TRPM3: variants seen among roughly 807,000 people sequenced by gnomAD.
TRPM3 encodes the protein transient receptor potential cation channel subfamily M member 3.
Under a neutral mutation model 181.2 loss-of-function variants are expected in TRPM3, and 77 were observed. That is an observed-to-expected ratio of 0.42 (90% CI 0.35 to 0.51). The LOEUF is 0.51. TRPM3 is among the 20% of genes least tolerant of loss of function. The pLI, the probability that TRPM3 is intolerant of heterozygous loss-of-function variation, is 0.01. For synonymous variants in TRPM3, 745 were observed against 796.4 expected (o/e 0.94, Z 1.09); for missense variants, 1,759 against 2,196.7 (o/e 0.80, Z 3.98).
chr9:71,072,286 ATTT>A (rs1054794131), intron 1 of TRPM3, among the ~76,000 whole-genome samples: 4 of 152,212 alleles, frequency 2.6e-5, no homozygotes, highest in African/African-American at 9.6e-5. Flanking sequence ...TCATGAATTA[ATTT>A]TTTTAAGTTA....
At chr9:71,033,240 C>T (rs370433201) in intron 1 of TRPM3, among the ~76,000 whole-genome samples, 27 of 152,296 alleles carry the variant, frequency 1.8e-4, no homozygotes, top group African/African-American at 5.5e-4. Flanking sequence ...CAGACTAAAG[C>T]GTCCTAAGTA....
chr9:71,000,777 G>T (rs183092740), intron 1 of TRPM3, among the ~76,000 whole-genome samples: 2 of 152,212 alleles, frequency 1.3e-5, no homozygotes, highest in African/African-American at 2.4e-5. Flanking sequence ...ACACTGAAAA[G>T]TGAGGTGGAG....
At chr9:71,296,873 A>G (rs2086308048) in intron 1 of TRPM3, among the ~76,000 whole-genome samples, 1 of 152,180 alleles carries the variant, frequency 6.6e-6, no homozygotes, top group South Asian at 2.1e-4. Context: ...AGTTTTGGGC[A>G]TCTACTACTG....
chr9:70,915,504 A>G lies in TRPM3; in HGVS notation c.178-50993T>C, dbSNP rs1441893573. Among the ~76,000 whole-genome samples the G allele has an allele frequency of 2.0e-5, 3 of 150,194 alleles. No homozygotes were observed. In the East Asian group the frequency reaches 6.0e-4, roughly 30 times the overall value. On this transcript the variant is annotated intron_variant, in intron 1 of 25. Transcript: ENST00000677713. The stretch of plus-strand genomic sequence containing the variant: ...TTATTTTTAGTAGAGACGGGGTTTC[A>G]CCGTGTTAGCCAGGATGGTCTTGAT...
chr9:71,297,143 C>G (rs1302832725), intron 1 of TRPM3, among the ~76,000 whole-genome samples: 1 of 151,992 alleles, frequency 6.6e-6, no homozygotes, highest in East Asian at 1.9e-4. Context: ...AGGTGTGCAC[C>G]ACCACACGCG....
chr9:71,267,515 T>A (rs1449423348), intron 1 of TRPM3, among the ~76,000 whole-genome samples: 2 of 152,104 alleles, frequency 1.3e-5, no homozygotes, highest in African/African-American at 4.8e-5. Context: ...TGCAGCTCCT[T>A]ATCCCCAGGC....
At chr9:70,871,387 A>AT (rs1225166952) in intron 1 of TRPM3, among the ~76,000 whole-genome samples, 3 of 151,774 alleles carry the variant, frequency 2.0e-5, no homozygotes, top group African/African-American at 4.8e-5. Flanking sequence ...TTGCTTATGT[A>AT]TTTTTTTACC....
intron 1 of TRPM3, among the ~76,000 whole-genome samples, chr9:70,921,918 T>TACACACACAC (rs10651774): frequency 5.0e-5 from 7 of 140,132 alleles, no homozygotes; most frequent in Non-Finnish European, 9.3e-5. Context: ...GCAGCCACTA[T>TACACACACAC]ACACACACAC....
chr9:70,557,531 A>G (rs946937914), intron 22 of TRPM3, among the ~76,000 whole-genome samples: 1 of 152,226 alleles, frequency 6.6e-6, no homozygotes, highest in African/African-American at 2.4e-5. Flanking sequence ...TCTACCACTG[A>G]TGAAGATGAA....
intron 8 of TRPM3, among the ~76,000 whole-genome samples, chr9:70,755,012 C>T (rs1328363735): frequency 6.6e-6 from 1 of 152,042 alleles, no homozygotes; most frequent in Non-Finnish European, 1.5e-5. Flanking sequence ...CATCTGGTAC[C>T]GTCCATGTAC....
intron 1 of TRPM3, among the ~76,000 whole-genome samples, chr9:71,363,480 G>A (rs1022930490): frequency 1.3e-4 from 20 of 152,104 alleles, no homozygotes; most frequent in Admixed American, 8.5e-4. Flanking sequence ...GCATGTCACC[G>A]TACTGCCCCA....
chr9:71,380,938 G>A (rs930793446), intron 1 of TRPM3, among the ~76,000 whole-genome samples: 2 of 149,808 alleles, frequency 1.3e-5, no homozygotes, highest in African/African-American at 2.5e-5. Context: ...TGAAGACGAC[G>A]ACAAAATGAA....
chr9:71,242,051 A>T (rs2081731615), intron 1 of TRPM3, among the ~76,000 whole-genome samples: 1 of 152,240 alleles, frequency 6.6e-6, no homozygotes, highest in Non-Finnish European at 1.5e-5. Context: ...CATTTGCATA[A>T]GTGTTAACTT....
chr9:70,536,461 A>G lies in TRPM3; in HGVS notation c.4652T>C (p.Val1551Ala). 1.2e-6 allele frequency: 2 copies of G among 1,614,158 alleles called. No homozygotes were observed. Among genetic ancestry groups the G allele is most frequent in the Non-Finnish European group, 1.7e-6 (2 of 1,180,024 alleles). The change falls in exon 26 of 26, where the codon GTA becomes GCA. Residue 1551 changes from valine (V) to alanine (A), a missense_variant. By Grantham distance (64) the Val-to-Ala change is moderately conservative (BLOSUM62 0). Coordinates refer to ENST00000677713, the MANE Select transcript of TRPM3 (RefSeq NM_001366145.2). ...RSYYANFGVP[V>A]KTAEYTSITD... Reference sequence around the variant, plus strand: ...AATACTTGTGTATTCTGCTGTTTTTACAGGCACCCCAAAGTTGGCATAATA... The same window carrying G: ...AATACTTGTGTATTCTGCTGTTTTTGCAGGCACCCCAAAGTTGGCATAATA...
intron 1 of TRPM3, among the ~76,000 whole-genome samples, chr9:71,135,515 T>G (rs2074709434): frequency 6.6e-6 from 1 of 152,166 alleles, no homozygotes; most frequent in African/African-American, 2.4e-5. Flanking sequence ...GCTGTTTAGA[T>G]TTTAAGATTA....
At chr9:71,015,649 G>A (rs755765255) in intron 1 of TRPM3, among the ~76,000 whole-genome samples, 2 of 152,082 alleles carry the variant, frequency 1.3e-5, no homozygotes, top group Non-Finnish European at 2.9e-5. Flanking sequence ...ATTTCACTTT[G>A]AATTTTATTA....
intron 6 of TRPM3, among the ~76,000 whole-genome samples, chr9:70,808,521 T>A (rs2091198269): frequency 6.6e-6 from 1 of 152,228 alleles, no homozygotes; most frequent in African/African-American, 2.4e-5. Flanking sequence ...TCCCTCAAAG[T>A]TATTTTTTTG....
chr9:70,935,224 T>C (rs559891915), intron 1 of TRPM3, among the ~76,000 whole-genome samples: 4 of 152,312 alleles, frequency 2.6e-5, no homozygotes, highest in African/African-American at 9.6e-5. Context: ...CCTGAAATTT[T>C]TGAATCATGC....
At position 71,311,792 on chromosome 9, in the gene TRPM3, A is replaced by T. The variant is rs1406133909; in HGVS notation, c.183+134861T>A. 3.9e-5 allele frequency among the ~76,000 whole-genome samples: 6 copies of T among 152,112 alleles called. 1 individual carries two copies. In the South Asian group the frequency reaches 1.2e-3, roughly 31 times the overall value. ...GCTAATGATAGCTGATGAGCAAAAA[A>T]AAATAATAAAATAAATATAAAAATA... is the stretch of plus-strand genomic sequence containing the variant. On this transcript the variant is annotated intron_variant, in intron 1 of 24. Coordinates refer to the TRPM3 transcript ENST00000357533.
Sources: allele counts gnomAD v4.1 joint callset (sites outside exome capture counted in the v4.1 genomes callset), GRCh38; gene constraint gnomAD v4.1.1; transcripts MANE v1.5; gene names NCBI Gene and HGNC (gene_info 2026-07-23, HGNC 2026-07-21).